ZC3H13: variants seen among roughly 807,000 people sequenced by gnomAD.
ZC3H13 encodes the protein zinc finger CCCH-type containing 13, also known as zinc finger CCCH domain-containing protein 13.
A neutral mutation model predicts 204.1 loss-of-function variants in ZC3H13; 64 were observed. The ratio of observed to expected loss-of-function variants is 0.31; its 90% confidence interval spans 0.26 to 0.39. The LOEUF is 0.39. Among genes scored for constraint, ZC3H13 ranks in the 10% least tolerant of loss-of-function variants. The pLI, the probability that ZC3H13 is intolerant of heterozygous loss-of-function variation, is 1.00. For missense variants in ZC3H13, 1,833 were observed against 2,082.7 expected (o/e 0.88, Z 2.33); for synonymous variants, 667 against 693.7 (o/e 0.96, Z 0.60).
At position 46,052,746 on chromosome 13, in the gene ZC3H13, T is replaced by G. The variant is rs2044579247; in HGVS notation, c.-352A>C. 1 of 396,972 alleles carries G rather than the reference T, an allele frequency of 2.5e-6. No individual in the cohort carries two copies. Among genetic ancestry groups the G allele is most frequent in the South Asian group, 1.3e-4 (1 of 7,590 alleles). The allele number at this position is 396,972 out of a possible 1,614,324, so 24.6% of individuals were successfully genotyped here. A position where few individuals can be genotyped will look rare whatever the true frequency, so the allele number is the denominator to read the frequency against. ...AAAATGCCGCCGGAAGTCAGAGGTT[T>G]GCCCTGTTCCTCTGTAGACCCAGGC... On this transcript the variant is annotated 5_prime_UTR_variant, in exon 1 of 19. Transcript: ENST00000679008.
At chr13:46,043,838 G>C (rs896749932) in intron 3 of ZC3H13, among the ~76,000 whole-genome samples, 1 of 151,740 alleles carries the variant, frequency 6.6e-6, no homozygotes, top group African/African-American at 2.4e-5. Flanking sequence ...TAAAAATTCT[G>C]AGTCAGCTAA....
intron 5 of ZC3H13, among the ~76,000 whole-genome samples, chr13:46,019,533 G>A (rs1300071470): frequency 6.6e-6 from 1 of 152,044 alleles, no homozygotes; most frequent in Non-Finnish European, 1.5e-5. Flanking sequence ...ACATTAAATT[G>A]TCCACCCCCA....
intron 3 of ZC3H13, among the ~76,000 whole-genome samples, 198 bp downstream of exon 3, chr13:46,044,757 A>T (rs906254920): frequency 1.6e-4 from 24 of 152,220 alleles, no homozygotes; most frequent in African/African-American, 5.5e-4. Context: ...TAATGAACAA[A>T]TAAGTTAATT....
chr13:45,990,735 G>A (rs951006251), intron 8 of ZC3H13, among the ~76,000 whole-genome samples: 1 of 151,908 alleles, frequency 6.6e-6, no homozygotes, highest in Non-Finnish European at 1.5e-5. Context: ...AAAAATCACT[G>A]CAAGAGTAAA....
intron 12 of ZC3H13, among the ~76,000 whole-genome samples, chr13:45,971,061 A>G (rs1952542822): frequency 6.6e-6 from 1 of 152,226 alleles, no homozygotes; most frequent in African/African-American, 2.4e-5. Context: ...TCATAAACCC[A>G]GTGCCAAATA....
intron 4 of ZC3H13, among the ~76,000 whole-genome samples, chr13:46,034,016 C>G (rs2043058862): frequency 6.6e-6 from 1 of 151,824 alleles, no homozygotes; most frequent in African/African-American, 2.4e-5. Flanking sequence ...AACAATTAGC[C>G]AATAAAAGAT....
Position 45,963,164 on chromosome 13 carries a change from A to C in ZC3H13, c.4675+678T>G, listed in dbSNP as rs866438582. The stretch of plus-strand genomic sequence containing the variant: ...TTCCTGACTTACAGATGATGACACT[A>C]ACACACAGATTAAGTAATAGCCAGT... On this transcript the variant is annotated intron_variant, in intron 17 of 18. Coordinates refer to ENST00000679008, the MANE Select transcript of ZC3H13 (RefSeq NM_001330564.2). The C allele has an allele frequency of 9.3e-6, 9 of 967,834 alleles. No homozygotes were observed. In the South Asian group the frequency reaches 3.8e-4, roughly 41 times the overall value. 60.0% of individuals were successfully genotyped at this position (967,834 alleles called of 1,614,324 possible). A position where few individuals can be genotyped will look rare whatever the true frequency, so the allele number is the denominator to read the frequency against.
At chr13:46,048,316 G>A (rs1593843552) in intron 1 of ZC3H13, among the ~76,000 whole-genome samples, 4 of 152,082 alleles carry the variant, frequency 2.6e-5, no homozygotes, top group East Asian at 3.9e-4. Context: ...GGTGGCTCAC[G>A]CCTGTAATCC....
chr13:45,962,048 G>C (rs1370885313), intron 17 of ZC3H13: 1 of 466,558 alleles, frequency 2.1e-6, no homozygotes, highest in East Asian at 1.6e-4. Context: ...TGGTACACTT[G>C]AATAGACAAA....
chr13:45,957,033 T>C lies in ZC3H13; in HGVS notation c.*94A>G. The C allele has an allele frequency of 9.0e-7, 1 of 1,116,842 alleles. No individual in the cohort carries two copies. Among genetic ancestry groups the C allele is most frequent in the Non-Finnish European group, 1.2e-6 (1 of 860,778 alleles). The allele number at this position is 1,116,842 out of a possible 1,614,324, so 69.2% of individuals were successfully genotyped here. Reference sequence around the variant, plus strand: ...CATGGCTGATAAATCTTTTCTGCCTTTGTCACTAATGCTTGTCAAACCAAA... The same window carrying C: ...CATGGCTGATAAATCTTTTCTGCCTCTGTCACTAATGCTTGTCAAACCAAA... On this transcript the variant is annotated 3_prime_UTR_variant, in exon 19 of 19. Transcript: ENST00000679008.
At chr13:46,001,512 T>C (rs1045446562) in intron 8 of ZC3H13, 1 of 152,176 alleles carries the variant, frequency 6.6e-6, no homozygotes, top group African/African-American at 2.4e-5. Context: ...AAGTTCAGAT[T>C]TGTCTACATA....
chr13:45,970,319 A>C lies in ZC3H13; in HGVS notation c.2572+43T>G, dbSNP rs754312986. ...ATGAAAGGATGGTTTCATGGTTACA[A>C]ATGAATATGAATATAGAGAGACAGA... On this transcript the variant is annotated intron_variant, in intron 13 of 18. Transcript: ENST00000679008. 3.1e-6 allele frequency: 5 copies of C among 1,590,784 alleles called. No individual in the cohort carries two copies. The East Asian group carries it at 1.1e-4, about 36-fold the overall frequency.
rs1394369163 is a variant in ZC3H13, at chr13:45,959,509, G to C, written c.4813C>G (p.Arg1605Gly). Residue 1605 changes from arginine to glycine, a missense_variant, in exon 18 of 19, where the codon CGA becomes GGA. Physicochemically the swap from Arg to Gly is moderately radical, Grantham distance 125 (BLOSUM62 -2). Around this residue, in one of 5 missense-constraint regions of ZC3H13, gnomAD observed 211 missense variants for 228.4 expected, o/e 0.92. Coordinates refer to ENST00000679008, the MANE Select transcript of ZC3H13 (RefSeq NM_001330564.2). Reference sequence around the variant, plus strand: ...TTCTCATTTTTAACAAGCTGCTTTCGAATTGCAGAATCCCGTCTGAAGCAC... The same window carrying C: ...TTCTCATTTTTAACAAGCTGCTTTCCAATTGCAGAATCCCGTCTGAAGCAC... ...ALCFRRDSAI[R>G]KQLVKNEKGT... The C allele has an allele frequency of 6.5e-7, 1 of 1,541,858 alleles. No homozygotes were observed. Among genetic ancestry groups the C allele is most frequent in the Non-Finnish European group, 8.7e-7 (1 of 1,143,620 alleles).
intron 1 of ZC3H13, among the ~76,000 whole-genome samples, chr13:46,050,756 C>T (rs189098891): frequency 1.2e-3 from 177 of 152,216 alleles, no homozygotes; most frequent in Non-Finnish European, 1.3e-3. Flanking sequence ...ACTGACAGAA[C>T]TAAGCTGACT....
At position 45,968,810 on chromosome 13, in the gene ZC3H13, C is replaced by T. The variant is rs1952311141; in HGVS notation, c.3734G>A (p.Gly1245Glu). The part of the protein sequence containing the change: ...REKTKSLEIT[G>E]ERKSRIDQLK... ...CTGATCAATCCTAGATTTTCTCTCTCCTGTGATTTCCAGGCTTTTTGTTTT... is the reference window on the plus strand; with the variant it reads ...CTGATCAATCCTAGATTTTCTCTCTTCTGTGATTTCCAGGCTTTTTGTTTT... The change falls in exon 14 of 19, where the codon GGA (glycine) becomes GAA (glutamate). Residue 1245 changes from glycine to glutamate, a missense_variant. By Grantham distance (98) the Gly-to-Glu change is moderately conservative. This residue lies in a region of ZC3H13 where 1,574 missense variants were observed against 1,757.2 expected (regional missense o/e 0.90). Transcript: ENST00000679008. 6.2e-7 allele frequency: 1 copy of T among 1,613,624 alleles called. No homozygotes were observed. The highest frequency in any genetic ancestry group is 8.5e-7 in the Non-Finnish European group (1 of 1,179,920).
chr13:45,988,778 A>G lies in ZC3H13; in HGVS notation c.1255+9T>C. ...TTTTCAATTAAAAAAATCAAAGTAC[A>G]GTACACACCTTCCCTCCTTTCATGG... On this transcript the variant is annotated intron_variant, in intron 9 of 18. Coordinates refer to ENST00000679008, the MANE Select transcript of ZC3H13 (RefSeq NM_001330564.2). 5.6e-6 allele frequency: 9 copies of G among 1,602,650 alleles called. No homozygotes were observed. Among genetic ancestry groups the G allele is most frequent in the Non-Finnish European group, 7.7e-6 (9 of 1,172,560 alleles).
intron 9 of ZC3H13, among the ~76,000 whole-genome samples, chr13:45,986,209 G>A (rs1016065900): frequency 6.6e-6 from 1 of 152,202 alleles, no homozygotes; most frequent in Admixed American, 6.5e-5. Context: ...TAAGCTAGCT[G>A]GTTGAGTGAT....
chr13:45,980,967 T>C (rs1054304556), intron 10 of ZC3H13, among the ~76,000 whole-genome samples: 5 of 152,202 alleles, frequency 3.3e-5, no homozygotes, highest in Non-Finnish European at 5.9e-5. Context: ...TACTATGCTA[T>C]AGATAAGATG....
intron 4 of ZC3H13, among the ~76,000 whole-genome samples, chr13:46,029,585 C>T (rs1223323879): frequency 3.3e-5 from 5 of 151,640 alleles, no homozygotes; most frequent in African/African-American, 7.3e-5. Context: ...CCCGCTACCA[C>T]GCCCGGCTAA....
Sources: allele counts gnomAD v4.1 joint callset (sites outside exome capture counted in the v4.1 genomes callset), GRCh38; gene constraint gnomAD v4.1.1; regional missense constraint gnomAD v4.1.1; transcripts MANE v1.5; gene names NCBI Gene and HGNC (gene_info 2026-07-23, HGNC 2026-07-21).